The following SYNM variants were observed in gnomAD, a reference collection of about 807,000 sequenced individuals.
The protein encoded by SYNM is desmuslin.
Under a neutral mutation model 104.0 loss-of-function variants are expected in SYNM, and 95 were observed. The ratio of observed to expected loss-of-function variants is 0.91; its 90% confidence interval spans 0.77 to 1.08. SYNM has a LOEUF of 1.08. Among genes scored for constraint, SYNM ranks in the 50% least tolerant of loss-of-function variants. The pLI, the probability that SYNM is intolerant of heterozygous loss-of-function variation, is 0.00. For synonymous variants in SYNM, 918 were observed against 869.0 expected, an observed-to-expected ratio of 1.06 and a Z score of -0.99; for missense variants, 2,150 against 2,052.2, an observed-to-expected ratio of 1.05 and a Z score of -0.92.
chr15:99,105,235 G>C lies in SYNM; in HGVS notation c.36G>C (p.Lys12Asn), dbSNP rs372136692. Residue 12 changes from lysine to asparagine, a missense_variant, in exon 1 of 4, where the codon AAG becomes AAC. Coordinates refer to ENST00000336292, the MANE Select transcript of SYNM (RefSeq NM_145728.3). ...GGCGGCTGCAGACGGGCCCCGAGAA[G>C]GCCGAGCTCCAGGAGCTCAACGCCC... is the stretch of plus-strand genomic sequence containing the variant. ...LSWRLQTGPE[K>N]AELQELNARL... 1 of 1,574,186 alleles carries C rather than the reference G, an allele frequency of 6.4e-7. No homozygotes were observed. The highest frequency in any genetic ancestry group is 8.6e-7 in the Non-Finnish European group (1 of 1,161,218).
At chr15:99,109,083 G>A (rs1453968145) in intron 1 of SYNM, among the ~76,000 whole-genome samples, 1 of 152,182 alleles carries the variant, frequency 6.6e-6, no homozygotes, top group African/African-American at 2.4e-5. Flanking sequence ...CCTGCCTCTG[G>A]CTATAGCTTC....
intron 2 of SYNM, among the ~76,000 whole-genome samples, chr15:99,116,430 T>C (rs797032307): frequency 7.7e-5 from 8 of 104,390 alleles, no homozygotes; most frequent in African/African-American, 2.0e-4. Flanking sequence ...TTATTACTCA[T>C]ATACCTGAAA....
rs929992693 is a variant in SYNM, at chr15:99,112,609, C to T, written c.811-982C>T. Among the ~76,000 whole-genome samples the T allele has an allele frequency of 2.6e-5, 4 of 152,338 alleles. No homozygotes were observed. In the East Asian group the frequency reaches 7.7e-4, roughly 29 times the overall value. ...AGTATCTCCCTGCCAGGTAGAGAGG[C>T]AGGTCGGGGACCCGGCCAGGGGTGA... On this transcript the variant is annotated intron_variant, in intron 1 of 3. Transcript: ENST00000336292.
At chr15:99,139,247 A>G, downstream of SYNM, 4 of 1,573,758 alleles carry the variant, frequency 2.5e-6, no homozygotes, top group Non-Finnish European at 3.4e-6. Context: ...ACCTTCTAGA[A>G]CCAGCTTTCT....
At chr15:99,127,402 C>G (rs1555485157) in intron 3 of SYNM, among the ~76,000 whole-genome samples, 1 of 152,202 alleles carries the variant, frequency 6.6e-6, no homozygotes, top group East Asian at 1.9e-4. Flanking sequence ...TAGAAAGATC[C>G]TAAGAAACTG....
chr15:99,131,511 G>A lies in SYNM; in HGVS notation c.3151G>A (p.Asp1051Asn), dbSNP rs1555485907. 1.9e-6 allele frequency: 3 copies of A among 1,607,148 alleles called. No homozygotes were observed. Among genetic ancestry groups the A allele is most frequent in the East Asian group, 2.2e-5 (1 of 44,876 alleles). The change falls in exon 4 of 4, where the codon GAT (aspartate) becomes AAT (asparagine). Residue 1051 changes from aspartate to asparagine, a missense_variant. By Grantham distance (23) the Asp-to-Asn change is conservative. Transcript: ENST00000336292. The surrounding 1 kb of genome is among the most constrained non-coding windows in gnomAD (Gnocchi z 4.3). ...ACGCAGCCCAGCGCCTGGCAGCCCA[G>A]ATGAGGAAGGTGGAGCGGAGGCCCC... ...RQRSPAPGSP[D>N]EEGGAEAPAA...
At chr15:99,109,697 G>A (rs2067283372) in intron 1 of SYNM, among the ~76,000 whole-genome samples, 1 of 152,214 alleles carries the variant, frequency 6.6e-6, no homozygotes, top group Non-Finnish European at 1.5e-5. Flanking sequence ...TGAGCATTTA[G>A]TGTGCCAAGC....
intron 2 of SYNM, 41 bp downstream of exon 2, chr15:99,113,756 G>T (rs1003296509): frequency 1.2e-6 from 2 of 1,608,264 alleles, no homozygotes; most frequent in Admixed American, 3.4e-5. Context: ...GAAGCCATGG[G>T]GGTGTAACTT....
chr15:99,111,609 A>G (rs1165288321), intron 1 of SYNM, among the ~76,000 whole-genome samples: 2 of 152,138 alleles, frequency 1.3e-5, no homozygotes, highest in Non-Finnish European at 2.9e-5. Flanking sequence ...TTTTAAGTTT[A>G]CTTCTTTGCT....
chr15:99,139,655 G>A, downstream of SYNM: 1 of 1,450,700 alleles, frequency 6.9e-7, no homozygotes, highest in Non-Finnish European at 9.2e-7. Flanking sequence ...AGATTTAAAA[G>A]TAGTATTTTT....
At chr15:99,110,404 G>A (rs1398447774) in intron 1 of SYNM, among the ~76,000 whole-genome samples, 5 of 152,192 alleles carry the variant, frequency 3.3e-5, no homozygotes, top group African/African-American at 1.2e-4. Context: ...TTCCATGTAC[G>A]TGTGTTCAGT....
At chr15:99,112,797 G>A (rs1469141620) in intron 1 of SYNM, among the ~76,000 whole-genome samples, 1 of 152,120 alleles carries the variant, frequency 6.6e-6, no homozygotes, top group Non-Finnish European at 1.5e-5. Flanking sequence ...TGCAACCTCC[G>A]CCTACTGAGT....
At chr15:99,107,653 C>T (rs1341784280) in intron 1 of SYNM, among the ~76,000 whole-genome samples, 1 of 152,214 alleles carries the variant, frequency 6.6e-6, no homozygotes, top group African/African-American at 2.4e-5. Flanking sequence ...ATGAAACCTT[C>T]AGTGGAACTC....
At chr15:99,126,960 A>C (rs1055270554) in intron 3 of SYNM, among the ~76,000 whole-genome samples, 168 bp downstream of exon 3, 1 of 152,236 alleles carries the variant, frequency 6.6e-6, no homozygotes, top group Non-Finnish European at 1.5e-5. Flanking sequence ...AGTGTGACAT[A>C]ATTTCAATTA....
intron 2 of SYNM, 96 bp from the exon 3 acceptor site, chr15:99,126,626 C>G: frequency 8.3e-7 from 1 of 1,203,116 alleles, no homozygotes; most frequent in Non-Finnish European, 1.2e-6. Context: ...ACAGGTGACA[C>G]TATGGTCATT....
chr15:99,139,373 A>G (rs201218446), downstream of SYNM: 561 of 1,614,136 alleles, frequency 3.5e-4, no homozygotes, highest in Non-Finnish European at 4.5e-4. Context: ...CCTGCGGTCC[A>G]TATAAGAGGG....
intron 1 of SYNM, among the ~76,000 whole-genome samples, chr15:99,108,806 CTGTT>C (rs777938563): frequency 3.3e-5 from 5 of 152,226 alleles, no homozygotes; most frequent in Non-Finnish European, 7.3e-5. Flanking sequence ...TCTCTTCTGT[CTGTT>C]TGATCAGAGA....
At position 99,133,006 on chromosome 15, in the gene SYNM, CCCT is replaced by C. The variant is rs782030766; in HGVS notation, c.4651_4653del (p.Leu1551del). ...GTGATTTCAGATGAAAAGAAAGTTG[CCCT>C]CCTCTATCTAGACAATGAGGAGGAG... is the stretch of plus-strand genomic sequence containing the variant. On this transcript the variant is annotated inframe_deletion, in exon 4 of 4. Coordinates refer to ENST00000336292, the MANE Select transcript of SYNM (RefSeq NM_145728.3). 6.8e-6 allele frequency: 11 copies of C among 1,613,592 alleles called. No individual in the cohort carries two copies. The East Asian group carries it at 2.2e-4, about 33-fold the overall frequency.
chr15:99,117,579 C>T (rs1482395552), intron 2 of SYNM, among the ~76,000 whole-genome samples: 2 of 152,228 alleles, frequency 1.3e-5, no homozygotes, highest in Non-Finnish European at 2.9e-5. Flanking sequence ...TATTTTCTTT[C>T]TGTAATAGTT....
Sources: gnomAD v4.1 joint callset for allele counts (sites outside exome capture counted in the v4.1 genomes callset) on GRCh38, gnomAD v4.1.1 for gene constraint, Gnocchi (gnomAD v3.1) non-coding constraint, MANE v1.5 for transcripts, NCBI Gene and HGNC (gene_info 2026-07-23, HGNC 2026-07-21) for gene names.